ERC2: variants seen among roughly 807,000 people sequenced by gnomAD.
ERC2 encodes the protein ERC protein 2.
ERC2 carries 42 observed loss-of-function variants against 114.8 expected under a neutral mutation model. That is an observed-to-expected ratio of 0.37 (90% CI 0.29 to 0.47). The LOEUF is 0.47. Ranked by LOEUF, ERC2 falls within the 20% of genes least tolerant of loss-of-function variation. ERC2 has a pLI of 0.99. For synonymous variants in ERC2, 454 were observed against 425.5 expected, an observed-to-expected ratio of 1.07 and a Z score of -0.82; for missense variants, 939 against 1,150.7, an observed-to-expected ratio of 0.82 and a Z score of 2.66.
intron 14 of ERC2, among the ~76,000 whole-genome samples, chr3:55,807,516 T>C (rs1243214405): frequency 2.0e-5 from 3 of 152,186 alleles, no homozygotes; most frequent in African/African-American, 7.2e-5. Flanking sequence ...TGAACACTGT[T>C]GCAATTACTC....
At chr3:55,583,395 C>CTTCT (rs1160005913) in intron 17 of ERC2, among the ~76,000 whole-genome samples, 2 of 128,752 alleles carry the variant, frequency 1.6e-5, no homozygotes, top group Admixed American at 7.4e-5. Context: ...TCTTTCCTTC[C>CTTCT]TTCTTTCCTT....
intron 17 of ERC2, among the ~76,000 whole-genome samples, chr3:55,558,623 T>G (rs975046428): frequency 6.6e-6 from 1 of 152,258 alleles, no homozygotes; most frequent in African/African-American, 2.4e-5. Flanking sequence ...TGACTATAAT[T>G]CCTTTTCTAG....
chr3:56,331,242 C>T (rs572198698), intron 2 of ERC2, among the ~76,000 whole-genome samples: 1 of 152,170 alleles, frequency 6.6e-6, no homozygotes, highest in South Asian at 2.1e-4. Flanking sequence ...TTCATCCCTG[C>T]CCTTTATTGT....
At position 55,985,917 on chromosome 3, in the gene ERC2, C is replaced by T. The variant is rs370781846; in HGVS notation, c.2267+60G>A. 59 of 1,442,206 alleles carry T rather than the reference C, an allele frequency of 4.1e-5. No homozygotes were observed. In the African/African-American group the frequency reaches 7.6e-4, roughly 19 times the overall value. 89.3% of individuals were successfully genotyped at this position (1,442,206 alleles called of 1,614,324 possible). A position where few individuals can be genotyped will look rare whatever the true frequency, so the allele number is the denominator to read the frequency against. Reference sequence around the variant, plus strand: ...CAGAAATGTGTTTGTTAAACAAGTGCAAGCCATAAATTGAGCTTAGGAGGG... The same window carrying T: ...CAGAAATGTGTTTGTTAAACAAGTGTAAGCCATAAATTGAGCTTAGGAGGG... On this transcript the variant is annotated intron_variant, in intron 12 of 17. Transcript: ENST00000288221.
intron 7 of ERC2, among the ~76,000 whole-genome samples, chr3:56,033,228 C>CA (rs1318836876): frequency 1.3e-5 from 2 of 151,828 alleles, no homozygotes; most frequent in African/African-American, 4.8e-5. Flanking sequence ...CCCATCTCTA[C>CA]AAAAAAGGAA....
chr3:56,227,879 T>A (rs2050355181), intron 3 of ERC2, among the ~76,000 whole-genome samples: 1 of 152,158 alleles, frequency 6.6e-6, no homozygotes, highest in African/African-American at 2.4e-5. Flanking sequence ...AACTACATCA[T>A]CAACAGGGGA....
chr3:56,213,719 C>T (rs1039496019), intron 3 of ERC2, among the ~76,000 whole-genome samples: 2 of 152,222 alleles, frequency 1.3e-5, no homozygotes, highest in African/African-American at 4.8e-5. Context: ...ACTGCCTCCT[C>T]AAGTGGGTCC....
intron 2 of ERC2, among the ~76,000 whole-genome samples, chr3:56,322,555 C>G (rs2057176600): frequency 6.6e-6 from 1 of 152,198 alleles, no homozygotes; most frequent in Non-Finnish European, 1.5e-5. Context: ...GATAGACTAA[C>G]CTTCTTGCCT....
chr3:56,323,167 A>G (rs1358606927), intron 2 of ERC2, among the ~76,000 whole-genome samples: 6 of 152,100 alleles, frequency 3.9e-5, no homozygotes. Context: ...TTCTTTATAA[A>G]TTTCCCAGCC....
chr3:56,377,858 AAAAAACAAAAAAC>A (rs375510259), intron 2 of ERC2, among the ~76,000 whole-genome samples: 4,579 of 152,056 alleles, frequency 0.03, 140 homozygotes, highest in African/African-American at 0.071. Flanking sequence ...TCTCCAAAAA[AAAAAACAAAAAAC>A]AAAAACAAAA....
intron 17 of ERC2, among the ~76,000 whole-genome samples, chr3:55,641,648 C>T (rs982395727): frequency 6.7e-6 from 1 of 148,872 alleles, no homozygotes; most frequent in Non-Finnish European, 1.5e-5. Flanking sequence ...TATTATGTAT[C>T]CTTTTAGGAT....
At chr3:56,178,341 C>T (rs1377533897) in intron 3 of ERC2, among the ~76,000 whole-genome samples, 2 of 152,116 alleles carry the variant, frequency 1.3e-5, no homozygotes, top group African/African-American at 2.4e-5. Flanking sequence ...TACTGTATAA[C>T]AAACCACCCC....
chr3:55,528,804 G>T (rs1202753349), intron 17 of ERC2, among the ~76,000 whole-genome samples: 1 of 152,116 alleles, frequency 6.6e-6, no homozygotes, highest in Non-Finnish European at 1.5e-5. Context: ...AACATCCCTG[G>T]CCTCCACCCA....
chr3:56,197,773 GT>G (rs1379625600), intron 3 of ERC2, among the ~76,000 whole-genome samples: 3 of 152,170 alleles, frequency 2.0e-5, no homozygotes, highest in Non-Finnish European at 4.4e-5. Flanking sequence ...CTCAACAAGT[GT>G]TTGCTGTTGT....
intron 6 of ERC2, among the ~76,000 whole-genome samples, chr3:56,122,963 C>T (rs547433902): frequency 6.6e-6 from 1 of 152,254 alleles, no homozygotes; most frequent in African/African-American, 2.4e-5. Context: ...ACCGCAAGTT[C>T]AACCACCCCA....
chr3:56,170,827 C>T (rs1026097667), intron 4 of ERC2, among the ~76,000 whole-genome samples: 24 of 145,502 alleles, frequency 1.6e-4, no homozygotes, highest in Non-Finnish European at 3.1e-4. Context: ...TGTGGTGGCA[C>T]GATCTCGACT....
chr3:55,636,525 T>C lies in ERC2; in HGVS notation c.*39+47269A>G, dbSNP rs185047488. ...TAGAGCACCTTAGATGATCAATAAT[T>C]ACATGTGTTCAATGAACAAATGAGT... On this transcript the variant is annotated intron_variant, in intron 17 of 17. Coordinates refer to ENST00000288221, the MANE Select transcript of ERC2 (RefSeq NM_015576.3). Among the ~76,000 whole-genome samples, 284 of 152,306 alleles carry C rather than the reference T, an allele frequency of 1.9e-3. 1 individual carries two copies. The highest frequency in any genetic ancestry group is 3.0e-3 in the Non-Finnish European group (202 of 68,014).
At chr3:55,819,495 G>A (rs1362441079) in intron 14 of ERC2, among the ~76,000 whole-genome samples, 1 of 152,176 alleles carries the variant, frequency 6.6e-6, no homozygotes, top group South Asian at 2.1e-4. Flanking sequence ...CAACTTTCCT[G>A]ACCTTTGACT....
chr3:56,467,527 T>C (rs908688903), intron 1 of ERC2, among the ~76,000 whole-genome samples: 1 of 152,176 alleles, frequency 6.6e-6, no homozygotes, highest in Admixed American at 6.5e-5. Flanking sequence ...TTCACTGTCC[T>C]AAGACGATCT....
Sources: allele counts gnomAD v4.1 joint callset (sites outside exome capture counted in the v4.1 genomes callset), GRCh38; gene constraint gnomAD v4.1.1; transcripts MANE v1.5; gene names NCBI Gene and HGNC (gene_info 2026-07-23, HGNC 2026-07-21).